Variants in SPTAN1 observed in about 807,000 individuals in gnomAD.
SPTAN1 encodes spectrin alpha, non-erythrocytic 1.
SPTAN1 carries 61 observed loss-of-function variants against 331.3 expected under a neutral mutation model. That is an observed-to-expected ratio of 0.18 (90% CI 0.15 to 0.23). The LOEUF is 0.23. Among genes scored for constraint, SPTAN1 ranks in the 10% least tolerant of loss-of-function variants. SPTAN1 has a pLI of 1.00. For synonymous variants in SPTAN1, 1,153 were observed against 1,173.9 expected (o/e 0.98, Z 0.36); for missense variants, 2,043 against 3,147.9 (o/e 0.65, Z 8.40).
Position 128,581,848 on chromosome 9 carries a change from G to A in SPTAN1, c.1528G>A (p.Glu510Lys), listed in dbSNP as rs769320860. The A allele has an allele frequency of 3.7e-6, 6 of 1,614,070 alleles. No homozygotes were observed. The highest frequency in any genetic ancestry group is 1.1e-5 in the South Asian group (1 of 91,076). The change falls in exon 12 of 57, where the codon GAA becomes AAA. Residue 510 changes from glutamate to lysine, a missense_variant. Coordinates refer to ENST00000372739, the MANE Select transcript of SPTAN1 (RefSeq NM_001130438.3). ...DSVEALLKKH[E>K]DFEKSLSAQE... ...TGTGGAAGCGCTTCTTAAGAAGCACGAAGACTTTGAGAAATCCCTTAGTGC... is the reference window on the plus strand; with the variant it reads ...TGTGGAAGCGCTTCTTAAGAAGCACAAAGACTTTGAGAAATCCCTTAGTGC...
chr9:128,596,017 T>C (rs1340192819), intron 24 of SPTAN1: 1 of 151,914 alleles, frequency 6.6e-6, no homozygotes. Context: ...CTAATTTTTG[T>C]ATTTTTTGTA....
chr9:128,585,404 C>T (rs576930189), intron 18 of SPTAN1, among the ~76,000 whole-genome samples: 1 of 152,108 alleles, frequency 6.6e-6, no homozygotes, highest in African/African-American at 2.4e-5. Context: ...GTAAGTGAAA[C>T]CAAGTAGGAA....
rs117848582 is a variant in SPTAN1 at position 128,626,971 on chromosome 9, C to T, written c.6576+284C>T. 0.022 allele frequency: 13,095 copies of T among 599,096 alleles called. 199 individuals carry two copies. Among genetic ancestry groups the T allele is most frequent in the Middle Eastern group, 0.028 (93 of 3,274 alleles). The allele number at this position is 599,096 out of a possible 1,614,324, so 37.1% of individuals were successfully genotyped here. ...CTGGGACTACAAGCACGTGCCACCA[C>T]GCCTGGCTAATTATTTTAATTTTTG... On this transcript the variant is annotated intron_variant, in intron 49 of 56. Transcript: ENST00000372739.
intron 17 of SPTAN1, 60 bp downstream of exon 17, chr9:128,584,585 A>C (rs1366903645): frequency 1.2e-6 from 2 of 1,613,896 alleles, no homozygotes; most frequent in Admixed American, 3.3e-5. Flanking sequence ...TTGTAGCATA[A>C]AGGGGATGCA....
chr9:128,588,669 T>C, intron 20 of SPTAN1, 140 bp from the exon 21 acceptor site: 2 of 1,250,234 alleles, frequency 1.6e-6, no homozygotes, highest in Non-Finnish European at 2.3e-6. Flanking sequence ...TCAGATTTTA[T>C]TGGTAGCTTC....
intron 20 of SPTAN1, 58 bp downstream of exon 20, chr9:128,587,756 G>A (rs1852845676): frequency 2.1e-6 from 3 of 1,430,802 alleles, no homozygotes; most frequent in Non-Finnish European, 3.0e-6. Context: ...CTCAGATACT[G>A]TCAGCAGGTG....
chr9:128,605,100 A>G lies in SPTAN1; in HGVS notation c.3786A>G (p.Gly1262=), dbSNP rs199902257. The change falls in exon 30 of 57, where the codon GGA becomes GGG. Residue 1262 remains glycine, a synonymous_variant. Transcript: ENST00000372739. ...KNQALNTDNY[G]HDLASVQALQ... is the part of the protein sequence containing the mutation. Reference sequence around the variant, plus strand: ...AAGCTCTAAACACAGACAATTATGGACATGATCTCGCCAGTGTCCAGGCCC... The same window carrying G: ...AAGCTCTAAACACAGACAATTATGGGCATGATCTCGCCAGTGTCCAGGCCC... The G allele has an allele frequency of 1.9e-6, 3 of 1,613,934 alleles. No individual in the cohort carries two copies. The highest frequency in any genetic ancestry group is 2.5e-6 in the Non-Finnish European group (3 of 1,180,020).
chr9:128,631,983 C>T (rs1859824357), intron 52 of SPTAN1, 144 bp from the exon 53 acceptor site: 3 of 789,180 alleles, frequency 3.8e-6, no homozygotes, highest in Non-Finnish European at 4.1e-6. Context: ...TCACCCCATC[C>T]CACTATTCCT....
At chr9:128,593,979 C>T (rs118083072) in intron 23 of SPTAN1, 196 bp from the exon 24 acceptor site, 121 of 636,956 alleles carry the variant, frequency 1.9e-4, no homozygotes, top group East Asian at 1.2e-3. Flanking sequence ...GTACAGTGTG[C>T]GCATATCTCT....
chr9:128,626,909 G>A, intron 49 of SPTAN1: 1 of 645,750 alleles, frequency 1.5e-6, no homozygotes, highest in Non-Finnish European at 2.8e-6. Context: ...CAACCTCCCA[G>A]GCTCAGGTGA....
intron 21 of SPTAN1, among the ~76,000 whole-genome samples, chr9:128,589,380 C>T (rs1214059592): frequency 6.6e-6 from 1 of 151,508 alleles, no homozygotes; most frequent in Non-Finnish European, 1.5e-5. Flanking sequence ...GCTCCGCCTC[C>T]TGCGTTCACC....
At chr9:128,626,345 C>T (rs375943639) in intron 48 of SPTAN1, 46 bp from the exon 49 acceptor site, 12 of 1,606,310 alleles carry the variant, frequency 7.5e-6, no homozygotes, top group African/African-American at 5.3e-5. Context: ...TGCGTCGGCA[C>T]GTCCAGCCCT....
intron 51 of SPTAN1, 37 bp from the exon 52 acceptor site, chr9:128,630,284 G>A (rs1370071404): frequency 6.2e-7 from 1 of 1,611,596 alleles, no homozygotes; most frequent in Non-Finnish European, 8.5e-7. Flanking sequence ...GGCCAGCTGG[G>A]AGCAGGCCCC....
intron 21 of SPTAN1, 54 bp from the exon 22 acceptor site, chr9:128,591,423 A>G: frequency 6.2e-7 from 1 of 1,612,520 alleles, no homozygotes; most frequent in Non-Finnish European, 8.5e-7. Flanking sequence ...ACCTCCTTGG[A>G]TTCTCCCTCT....
chr9:128,615,860 T>C lies in SPTAN1; in HGVS notation c.5357+20T>C, dbSNP rs1589343419. The C allele has an allele frequency of 6.2e-7, 1 of 1,613,292 alleles. No homozygotes were observed. ...GATCAAGTATGTCTTCTCAGCCCTC[T>C]AGAAGGCCCCTTACGCCTGTAATAG... On this transcript the variant is annotated intron_variant, in intron 41 of 56. Transcript: ENST00000372739.
intron 1 of SPTAN1, among the ~76,000 whole-genome samples, chr9:128,562,994 A>ATG (rs1849583192): frequency 0.11 from 116 of 1,010 alleles, no homozygotes; most frequent in Admixed American, 0.13. Context: ...ATGTATGTGT[A>ATG]TATATATATA....
intron 3 of SPTAN1, among the ~76,000 whole-genome samples, 189 bp downstream of exon 3, chr9:128,569,086 A>T (rs970707751): frequency 6.6e-6 from 1 of 152,226 alleles, no homozygotes; most frequent in Non-Finnish European, 1.5e-5. Context: ...AAGCGTTTGT[A>T]TACTCAGTGA....
intron 21 of SPTAN1, 114 bp downstream of exon 21, chr9:128,589,057 G>C: frequency 6.8e-7 from 1 of 1,464,634 alleles, no homozygotes; most frequent in South Asian, 1.2e-5. Flanking sequence ...AGAATTCAAA[G>C]ACATGAGTTT....
Position 128,633,188 on chromosome 9 carries a change from G to C in SPTAN1, c.7309-21G>C, listed in dbSNP as rs1265032517. On this transcript the variant is annotated intron_variant, in intron 56 of 56. Coordinates refer to ENST00000372739, the MANE Select transcript of SPTAN1 (RefSeq NM_001130438.3). ...TGGGTGCAGCTGGCTCAGGCACCAG[G>C]TGCCATCTCTTACCCCACAGAACCT... The C allele has an allele frequency of 3.7e-6, 6 of 1,613,790 alleles. No individual in the cohort carries two copies. The Admixed American group carries it at 5.0e-5, about 13-fold the overall frequency.
Sources: gnomAD v4.1 joint callset for allele counts (sites outside exome capture counted in the v4.1 genomes callset) on GRCh38, gnomAD v4.1.1 for gene constraint, MANE v1.5 for transcripts, NCBI Gene and HGNC (gene_info 2026-07-23, HGNC 2026-07-21) for gene names.